The following TNR variants were observed in gnomAD, a reference collection of about 807,000 sequenced individuals.
TNR encodes the protein tenascin R.
In TNR, 45 loss-of-function variants were observed where a neutral mutation model predicts 150.4. The ratio of observed to expected loss-of-function variants is 0.30; its 90% CI spans 0.24 to 0.38. TNR has a LOEUF of 0.38. TNR is among the 10% of genes least tolerant of loss of function. The pLI is 1.00. For synonymous variants in TNR, 687 were observed against 678.4 expected, an observed-to-expected ratio of 1.01 and a Z score of -0.20; for missense variants, 1,544 against 1,759.1, an observed-to-expected ratio of 0.88 and a Z score of 2.19.
At chr1:175,670,060 C>T (rs1439264880) in intron 1 of TNR, among the ~76,000 whole-genome samples, 1 of 152,184 alleles carries the variant, frequency 6.6e-6, no homozygotes, top group Non-Finnish European at 1.5e-5. Flanking sequence ...TCCCTTTATC[C>T]TCTCACCTCT....
chr1:175,352,887 C>T (rs373173381), intron 18 of TNR, among the ~76,000 whole-genome samples: 17 of 152,070 alleles, frequency 1.1e-4, no homozygotes, highest in African/African-American at 3.9e-4. Flanking sequence ...TCATTTAGAA[C>T]GAGTGCAGTG....
At chr1:175,577,398 T>C (rs1001284584) in intron 1 of TNR, among the ~76,000 whole-genome samples, 1 of 152,202 alleles carries the variant, frequency 6.6e-6, no homozygotes. Flanking sequence ...CTGGTCACCC[T>C]CTTGGGCCAT....
At chr1:175,715,314 AG>A (rs1667125767) in intron 1 of TNR, among the ~76,000 whole-genome samples, 1 of 152,150 alleles carries the variant, frequency 6.6e-6, no homozygotes, top group Non-Finnish European at 1.5e-5. Flanking sequence ...TAGGGTATGA[AG>A]GGCCCATAAA....
chr1:175,460,456 A>G (rs1656763151), intron 2 of TNR, among the ~76,000 whole-genome samples: 1 of 152,074 alleles, frequency 6.6e-6, no homozygotes, highest in African/African-American at 2.4e-5. Flanking sequence ...TTGTCTCTCC[A>G]GTCAGCCCTT....
chr1:175,569,430 C>G (rs771903305), intron 1 of TNR, among the ~76,000 whole-genome samples: 1 of 152,222 alleles, frequency 6.6e-6, no homozygotes, highest in Non-Finnish European at 1.5e-5. Context: ...ACTATTGTTC[C>G]TAGCTGATGC....
At chr1:175,590,798 C>T (rs906345756) in intron 1 of TNR, among the ~76,000 whole-genome samples, 1 of 152,210 alleles carries the variant, frequency 6.6e-6, no homozygotes, top group Non-Finnish European at 1.5e-5. Context: ...AGGAGGTAAG[C>T]TCAGAGAGGT....
At position 175,403,387 on chromosome 1, in the gene TNR, C is replaced by G. The variant is rs1158099019; in HGVS notation, c.729G>C (p.Gly243=). 3.1e-6 allele frequency: 5 copies of G among 1,614,066 alleles called. No individual in the cohort carries two copies. Among genetic ancestry groups the G allele is most frequent in the African/African-American group, 1.3e-5 (1 of 74,936 alleles). Residue 243 remains glycine, a synonymous_variant, in exon 4 of 23, where the codon GGG becomes GGC. Coordinates refer to ENST00000367674, the MANE Select transcript of TNR (RefSeq NM_003285.3). ...LRCPTDCSSR[G]LCVDGECVCE... ...AGACACACTCCCCGTCCACGCAGAGCCCCCGGGAGCTGCAGTCTGTTGGGC... is the reference window on the plus strand; with the variant it reads ...AGACACACTCCCCGTCCACGCAGAGGCCCCGGGAGCTGCAGTCTGTTGGGC...
chr1:175,537,444 C>A (rs10798396), intron 1 of TNR, among the ~76,000 whole-genome samples: 93,359 of 151,928 alleles, frequency 0.61, 29,297 homozygotes, highest in East Asian at 0.69. Context: ...CCTTCAGGAG[C>A]AGAGCCTGAG....
At chr1:175,726,962 A>C (rs1487252023) in intron 1 of TNR, among the ~76,000 whole-genome samples, 1 of 152,112 alleles carries the variant, frequency 6.6e-6, no homozygotes, top group African/African-American at 2.4e-5. Flanking sequence ...GTAAGGAGTG[A>C]CAGCCAAGCA....
rs566832323 is a variant in TNR, at chr1:175,738,395, A to G, written c.-165+4831T>C. ...AGCATGGTTGAACCTTGAGGACATT[A>G]TGCTAAATAAAATGAACTGGCTACG... On this transcript the variant is annotated intron_variant, in intron 1 of 22. Coordinates refer to ENST00000367674, the MANE Select transcript of TNR (RefSeq NM_003285.3). Among the ~76,000 whole-genome samples, 56 of 152,330 alleles carry G rather than the reference A, an allele frequency of 3.7e-4. 1 individual carries two copies. The highest frequency in any genetic ancestry group is 1.3e-3 in the African/African-American group (54 of 41,578).
At chr1:175,474,097 A>T (rs374497843) in intron 2 of TNR, among the ~76,000 whole-genome samples, 3 of 152,114 alleles carry the variant, frequency 2.0e-5, no homozygotes, top group Non-Finnish European at 4.4e-5. Context: ...CTATAATATG[A>T]GATCTTCCCA....
Position 175,544,941 on chromosome 1 carries a change from T to C in TNR, c.-164-16572A>G, listed in dbSNP as rs552017697. The stretch of plus-strand genomic sequence containing the variant: ...CCCAAGCAGAAGTTTTAGGAATCTC[T>C]CTGTATGGGTCAGTGTTAGCCCTTT... On this transcript the variant is annotated intron_variant, in intron 1 of 22. Transcript: ENST00000367674. Among the ~76,000 whole-genome samples the C allele has an allele frequency of 6.0e-4, 91 of 152,332 alleles. 1 individual carries two copies. In the South Asian group the frequency reaches 0.011, roughly 18 times the overall value.
chr1:175,531,355 C>T (rs1474305012), intron 1 of TNR, among the ~76,000 whole-genome samples: 1 of 152,170 alleles, frequency 6.6e-6, no homozygotes, highest in Non-Finnish European at 1.5e-5. Context: ...CACACAAAGG[C>T]CTTATCTTAA....
chr1:175,460,894 T>G (rs535781332), intron 2 of TNR, among the ~76,000 whole-genome samples: 1 of 152,294 alleles, frequency 6.6e-6, no homozygotes, highest in East Asian at 1.9e-4. Flanking sequence ...CACACATACA[T>G]GCACCCACAC....
chr1:175,632,925 T>C (rs1415711758), intron 1 of TNR, among the ~76,000 whole-genome samples: 1 of 152,220 alleles, frequency 6.6e-6, no homozygotes, highest in Non-Finnish European at 1.5e-5. Flanking sequence ...ATGATGTCTC[T>C]TCCCCTAAAG....
chr1:175,327,267 C>T (rs1328356191), intron 21 of TNR, among the ~76,000 whole-genome samples: 1 of 152,118 alleles, frequency 6.6e-6, no homozygotes, highest in African/African-American at 2.4e-5. Flanking sequence ...GCCTGGCTCC[C>T]CTTCCCATTT....
intron 1 of TNR, among the ~76,000 whole-genome samples, chr1:175,676,852 A>G (rs959220261): frequency 1.3e-5 from 2 of 152,212 alleles, no homozygotes; most frequent in African/African-American, 4.8e-5. Context: ...AGCTACAAGA[A>G]GAACCCAGGA....
At chr1:175,487,725 T>C (rs1658073899) in intron 2 of TNR, among the ~76,000 whole-genome samples, 1 of 152,218 alleles carries the variant, frequency 6.6e-6, no homozygotes, top group African/African-American at 2.4e-5. Flanking sequence ...AAAGACTTCG[T>C]AGGAATCATT....
chr1:175,332,139 T>C (rs548315718), intron 20 of TNR, among the ~76,000 whole-genome samples: 67 of 152,238 alleles, frequency 4.4e-4, no homozygotes, highest in Admixed American at 2.1e-3. Flanking sequence ...TCTTGGAAAA[T>C]TGCCCTTGAG....
Sources: gnomAD v4.1 joint callset for allele counts (sites outside exome capture counted in the v4.1 genomes callset) on GRCh38, gnomAD v4.1.1 for gene constraint, MANE v1.5 for transcripts, NCBI Gene and HGNC (gene_info 2026-07-23, HGNC 2026-07-21) for gene names.